The following E2F3 variants were observed in gnomAD, a reference collection of about 807,000 sequenced individuals.
E2F3 encodes transcription factor E2F3.
A neutral mutation model predicts 44.4 loss-of-function variants in E2F3; 11 were observed. The ratio of observed to expected loss-of-function variants is 0.25; its 90% CI spans 0.16 to 0.41. E2F3 has a LOEUF of 0.41. Among genes scored for constraint, E2F3 ranks in the 10% least tolerant of loss-of-function variants. The probability of loss-of-function intolerance (pLI) is 1.00; values close to 1 mark genes in which losing one functional copy is unlikely to be tolerated. For missense variants in E2F3, 487 were observed against 583.6 expected (o/e 0.83, Z 1.70); for synonymous variants, 249 against 253.0 (o/e 0.98, Z 0.15).
chr6:20,458,069 T>C (rs1200586104), intron 1 of E2F3, among the ~76,000 whole-genome samples: 1 of 152,082 alleles, frequency 6.6e-6, no homozygotes, highest in Non-Finnish European at 1.5e-5. Flanking sequence ...GCCGTAGGCC[T>C]TTCTGTTTGA....
intron 1 of E2F3, among the ~76,000 whole-genome samples, chr6:20,457,352 T>TC (rs1170090981): frequency 3.6e-4 from 53 of 145,746 alleles, no homozygotes; most frequent in Non-Finnish European, 6.4e-4. Flanking sequence ...TTTTTTCTTT[T>TC]TTTTTTTTTT....
intron 1 of E2F3, among the ~76,000 whole-genome samples, chr6:20,464,278 C>T (rs4609014): frequency 0.62 from 94,536 of 152,066 alleles, 32,269 homozygotes; most frequent in Non-Finnish European, 0.78. Context: ...AACACAGCAG[C>T]TCTTTGTCAG....
intron 1 of E2F3, among the ~76,000 whole-genome samples, chr6:20,433,825 G>A (rs1345197067): frequency 9.2e-5 from 14 of 152,096 alleles, no homozygotes; most frequent in Admixed American, 3.9e-4. Context: ...CAAAGGAGGC[G>A]TCTATGGCAC....
rs1554141380 is a variant in E2F3, at chr6:20,482,348, T to TTG, written c.726-413_726-412insGT. On this transcript the variant is annotated intron_variant, in intron 3 of 6. Transcript: ENST00000346618. ...TTGGATGGGTTGTTTTTTTGTTTTT[T>TTG]TTTTTTTTTAATTTTGAACCATTCC... Among the ~76,000 whole-genome samples the TTG allele has an allele frequency of 3.3e-5, 5 of 150,552 alleles. No individual in the cohort carries two copies. The East Asian group carries it at 7.8e-4, about 23-fold the overall frequency.
intron 1 of E2F3, among the ~76,000 whole-genome samples, chr6:20,426,893 A>G (rs1760234061): frequency 6.6e-6 from 1 of 152,172 alleles, no homozygotes; most frequent in Non-Finnish European, 1.5e-5. Context: ...CACTGTGCTG[A>G]TATCTGTTGA....
chr6:20,420,583 G>A (rs1220812379), intron 1 of E2F3, among the ~76,000 whole-genome samples: 1 of 152,130 alleles, frequency 6.6e-6, no homozygotes, highest in Non-Finnish European at 1.5e-5. Context: ...TGCATATAAA[G>A]TTTACACTGT....
chr6:20,423,094 T>C (rs1760080976), intron 1 of E2F3, among the ~76,000 whole-genome samples: 1 of 152,238 alleles, frequency 6.6e-6, no homozygotes, highest in Admixed American at 6.5e-5. Context: ...TTTTCTATGA[T>C]GTATTTCTTT....
rs1413423177 is a variant in E2F3, at chr6:20,492,672, T to C, written c.*2242T>C. 5 of 232,176 alleles carry C rather than the reference T, an allele frequency of 2.2e-5. No individual in the cohort carries two copies. The highest frequency in any genetic ancestry group is 6.1e-5 in the East Asian group (1 of 16,480). The allele number at this position is 232,176 out of a possible 1,614,324, so 14.4% of individuals were successfully genotyped here. On this transcript the variant is annotated 3_prime_UTR_variant, in exon 7 of 7. Transcript: ENST00000346618. ...TGTGTTTTGTTGAATTTTTTCATAA[T>C]GTAATGCCGTATTTATTGTTTTTAA...
intron 1 of E2F3, among the ~76,000 whole-genome samples, chr6:20,422,207 T>C (rs1760052852): frequency 6.6e-6 from 1 of 152,234 alleles, no homozygotes; most frequent in South Asian, 2.1e-4. Flanking sequence ...ACTTTTATGA[T>C]ATGGAGAAGG....
intron 1 of E2F3, among the ~76,000 whole-genome samples, chr6:20,479,408 A>T (rs147888833): frequency 1.9e-3 from 282 of 152,340 alleles, no homozygotes; most frequent in Non-Finnish European, 3.5e-3. Flanking sequence ...ACAAATAAAC[A>T]CAGAGTGTTT....
At chr6:20,467,062 CT>C (rs772659273) in intron 1 of E2F3, among the ~76,000 whole-genome samples, 22 of 152,138 alleles carry the variant, frequency 1.4e-4, no homozygotes, top group Non-Finnish European at 2.9e-5. Context: ...CTCTTCCCCC[CT>C]ACCCTTCATC....
chr6:20,479,581 C>T (rs970945963), intron 1 of E2F3, among the ~76,000 whole-genome samples: 5 of 152,222 alleles, frequency 3.3e-5, no homozygotes, highest in African/African-American at 1.2e-4. Context: ...CAAAGTGACT[C>T]CTGAACCTAA....
chr6:20,427,712 A>T (rs1313732050), intron 1 of E2F3, among the ~76,000 whole-genome samples: 2 of 152,130 alleles, frequency 1.3e-5, no homozygotes, highest in Non-Finnish European at 2.9e-5. Context: ...AGAGAATGTC[A>T]CTGTGGAAGT....
At position 20,490,035 on chromosome 6, in the gene E2F3, C is replaced by A; in HGVS notation, c.1136-133C>A. Reference sequence around the variant, plus strand: ...TGTTAGCATAAAAGGTGATCTGCATCATAAAGTCGTCTCATTGTCATTATT... The same window carrying A: ...TGTTAGCATAAAAGGTGATCTGCATAATAAAGTCGTCTCATTGTCATTATT... On this transcript the variant is annotated intron_variant, in intron 6 of 6. Transcript: ENST00000346618. This position sits in a 1 kb window ranked among gnomAD's most constrained non-coding sequence, Gnocchi z 4.3. The A allele has an allele frequency of 1.0e-6, 1 of 995,432 alleles. No homozygotes were observed. The highest frequency in any genetic ancestry group is 1.4e-6 in the Non-Finnish European group (1 of 695,392). 61.7% of individuals were successfully genotyped at this position (995,432 alleles called of 1,614,324 possible). A position where few individuals can be genotyped will look rare whatever the true frequency, so the allele number is the denominator to read the frequency against.
chr6:20,468,286 C>A (rs1349479227), intron 1 of E2F3, among the ~76,000 whole-genome samples: 1 of 152,240 alleles, frequency 6.6e-6, no homozygotes, highest in East Asian at 1.9e-4. Context: ...TTACCTGTGC[C>A]TCTGGCCAAC....
chr6:20,482,812 T>G lies in E2F3; in HGVS notation c.776T>G (p.Leu259Arg). Residue 259 changes from leucine to arginine, a missense_variant, in exon 4 of 7, where the codon CTG (leucine) becomes CGG (arginine). By Grantham distance (102) the Leu-to-Arg change is moderately radical. Transcript: ENST00000346618. Reference protein sequence around the residue: ...DGGMLAQCQGLSKEVTELSQE... With the variant: ...DGGMLAQCQGRSKEVTELSQE... ...GGCATGCTGGCCCAGTGTCAAGGCC[T>G]GTCAAAAGAAGTGACCGAGCTCAGT... The G allele has an allele frequency of 6.2e-7, 1 of 1,613,358 alleles. No individual in the cohort carries two copies. The highest frequency in any genetic ancestry group is 1.1e-5 in the South Asian group (1 of 91,036).
chr6:20,453,186 G>C (rs962135222), intron 1 of E2F3, among the ~76,000 whole-genome samples: 7 of 151,810 alleles, frequency 4.6e-5, no homozygotes, highest in African/African-American at 1.7e-4. Flanking sequence ...TAGTATTTGT[G>C]GGGTTTTTTT....
At chr6:20,429,448 A>G (rs965392591) in intron 1 of E2F3, among the ~76,000 whole-genome samples, 1 of 152,168 alleles carries the variant, frequency 6.6e-6, no homozygotes, top group Non-Finnish European at 1.5e-5. Context: ...ATGTTACACT[A>G]TTCCCCAACC....
chr6:20,486,563 C>T (rs3763279), intron 4 of E2F3, 126 bp from the exon 5 acceptor site: 24,676 of 559,680 alleles, frequency 0.044, 782 homozygotes, highest in African/African-American at 0.077. Context: ...TGAGCCACCG[C>T]GCCCGGCCAC....
Sources: allele counts gnomAD v4.1 joint callset (sites outside exome capture counted in the v4.1 genomes callset), GRCh38; gene constraint gnomAD v4.1.1; non-coding constraint Gnocchi (gnomAD v3.1); transcripts MANE v1.5; gene names NCBI Gene and HGNC (gene_info 2026-07-23, HGNC 2026-07-21).